Variants in EBF1 observed in about 807,000 individuals in gnomAD.
The protein encoded by EBF1 is transcription factor COE1.
Under a neutral mutation model 68.4 loss-of-function variants are expected in EBF1, and 10 were observed. The ratio of observed to expected loss-of-function variants is 0.15; its 90% CI spans 0.09 to 0.25. The LOEUF is 0.25. Ranked by LOEUF, EBF1 falls within the 10% of genes least tolerant of loss-of-function variation. EBF1 has a pLI of 1.00. For synonymous variants in EBF1, 298 were observed against 299.8 expected (o/e 0.99, Z 0.06); for missense variants, 509 against 794.4 (o/e 0.64, Z 4.32).
chr5:158,940,566 T>G (rs1813018901), intron 6 of EBF1, among the ~76,000 whole-genome samples: 1 of 152,172 alleles, frequency 6.6e-6, no homozygotes. Context: ...TGTCTGACTC[T>G]AGAGCCCAGG....
intron 6 of EBF1, among the ~76,000 whole-genome samples, chr5:159,014,844 T>A (rs1258756501): frequency 6.6e-6 from 1 of 152,190 alleles, no homozygotes; most frequent in African/African-American, 2.4e-5. Flanking sequence ...GGAATATTGC[T>A]GTAATGGCTA....
At chr5:158,777,038 G>A (rs1255048948) in intron 10 of EBF1, among the ~76,000 whole-genome samples, 7 of 152,148 alleles carry the variant, frequency 4.6e-5, no homozygotes, top group Admixed American at 1.3e-4. Flanking sequence ...CCGTGAACAG[G>A]CTAGAGGAAA....
chr5:158,803,691 T>A (rs936606482), intron 8 of EBF1, among the ~76,000 whole-genome samples: 1 of 151,794 alleles, frequency 6.6e-6, no homozygotes, highest in Non-Finnish European at 1.5e-5. Flanking sequence ...AACAAACAAA[T>A]TTGACAGTTT....
chr5:159,021,045 C>T (rs148477211), intron 6 of EBF1, among the ~76,000 whole-genome samples: 5 of 152,346 alleles, frequency 3.3e-5, no homozygotes, highest in Admixed American at 6.5e-5. Context: ...CTCTCTCTTG[C>T]ACCCCTGACA....
At chr5:158,753,161 A>C (rs1280217666) in intron 10 of EBF1, among the ~76,000 whole-genome samples, 1 of 152,082 alleles carries the variant, frequency 6.6e-6, no homozygotes, top group Non-Finnish European at 1.5e-5. Context: ...CTAACAGGAT[A>C]ATATAATTGA....
chr5:158,710,027 A>T lies in EBF1; in HGVS notation c.1550-1854T>A, dbSNP rs1182147952. Among the ~76,000 whole-genome samples the T allele has an allele frequency of 2.6e-5, 4 of 152,226 alleles. No homozygotes were observed. The East Asian group carries it at 7.7e-4, about 29-fold the overall frequency. On this transcript the variant is annotated intron_variant, in intron 14 of 15. Transcript: ENST00000313708. ...AACATTATTAGTTATCAGCCACCAC[A>T]CCAGAAAGTGTGTTCACCAGTGGAA...
rs1755875375 is a variant in EBF1 at position 158,696,975 on chromosome 5, A to G, written c.*2136T>C. ...ACTGACAGTTCTGGTGCACAGTTAC[A>G]ATGTACAAGTGAAATGAATATGATT... On this transcript the variant is annotated 3_prime_UTR_variant, in exon 16 of 16. Transcript: ENST00000313708. 5.2e-6 allele frequency: 1 copy of G among 192,304 alleles called. No individual in the cohort carries two copies. Among genetic ancestry groups the G allele is most frequent in the South Asian group, 1.9e-4 (1 of 5,130 alleles). The allele number at this position is 192,304 out of a possible 1,614,324, so 11.9% of individuals were successfully genotyped here. A position where few individuals can be genotyped will look rare whatever the true frequency, so the allele number is the denominator to read the frequency against.
At chr5:158,944,995 C>T (rs1027691082) in intron 6 of EBF1, among the ~76,000 whole-genome samples, 5 of 152,090 alleles carry the variant, frequency 3.3e-5, no homozygotes, top group African/African-American at 1.2e-4. Flanking sequence ...GGATAGATTG[C>T]AAAAATTTTC....
intron 8 of EBF1, among the ~76,000 whole-genome samples, chr5:158,810,017 C>A (rs1409733010): frequency 1.3e-5 from 2 of 152,088 alleles, no homozygotes; most frequent in African/African-American, 4.8e-5. Flanking sequence ...TTTAGCTAAC[C>A]AAATCAAGGA....
chr5:158,971,922 G>GC (rs1278613310), intron 6 of EBF1, among the ~76,000 whole-genome samples: 3 of 152,324 alleles, frequency 2.0e-5, no homozygotes, highest in East Asian at 3.9e-4. Context: ...TAGCCCTAAT[G>GC]CTAGAAAGGG....
intron 6 of EBF1, among the ~76,000 whole-genome samples, chr5:158,890,984 G>A (rs939745903): frequency 6.6e-6 from 1 of 152,146 alleles, no homozygotes. Context: ...TGACTGTTGA[G>A]CATAAGACAG....
At chr5:158,792,791 T>A (rs1235273038) in intron 9 of EBF1, among the ~76,000 whole-genome samples, 1 of 152,252 alleles carries the variant, frequency 6.6e-6, no homozygotes, top group East Asian at 1.9e-4. Context: ...CTTTACTTCA[T>A]AAAGATAAAT....
chr5:159,065,702 C>T (rs1480000604), intron 6 of EBF1, among the ~76,000 whole-genome samples: 1 of 151,604 alleles, frequency 6.6e-6, no homozygotes, highest in Admixed American at 6.6e-5. Context: ...AGAATGTCGC[C>T]AAAGCCCCAT....
chr5:159,003,803 A>G (rs552990033), intron 6 of EBF1, among the ~76,000 whole-genome samples: 1 of 152,334 alleles, frequency 6.6e-6, no homozygotes, highest in South Asian at 2.1e-4. Flanking sequence ...CTCCCGTTCT[A>G]AAGATGAGGA....
chr5:158,967,483 T>G (rs927891458), intron 6 of EBF1, among the ~76,000 whole-genome samples: 1 of 152,188 alleles, frequency 6.6e-6, no homozygotes, highest in African/African-American at 2.4e-5. Flanking sequence ...AGCCTTTCAA[T>G]GCTTTCCCTA....
intron 6 of EBF1, among the ~76,000 whole-genome samples, chr5:158,930,882 T>C (rs558566867): frequency 6.7e-6 from 1 of 148,330 alleles, no homozygotes; most frequent in Non-Finnish European, 1.5e-5. Context: ...TTTTCTCAGG[T>C]TACCCAAAAA....
At chr5:158,859,048 C>T (rs2128023718) in intron 6 of EBF1, among the ~76,000 whole-genome samples, 1 of 152,322 alleles carries the variant, frequency 6.6e-6, no homozygotes, top group East Asian at 1.9e-4. Flanking sequence ...CAGCCAACAA[C>T]ATGTTTATCT....
chr5:158,800,458 T>G (rs1780378995), intron 8 of EBF1, among the ~76,000 whole-genome samples: 2 of 152,226 alleles, frequency 1.3e-5, no homozygotes, highest in African/African-American at 4.8e-5. Flanking sequence ...TTTGTATGAT[T>G]TAAATTTTTT....
intron 10 of EBF1, among the ~76,000 whole-genome samples, chr5:158,739,474 A>G (rs555029803): frequency 2.6e-5 from 4 of 152,206 alleles, no homozygotes; most frequent in Non-Finnish European, 5.9e-5. Flanking sequence ...CCCTTGAGCA[A>G]ACAGAAGTTG....
Sources: allele counts gnomAD v4.1 joint callset (sites outside exome capture counted in the v4.1 genomes callset), GRCh38; gene constraint gnomAD v4.1.1; transcripts MANE v1.5; gene names NCBI Gene and HGNC (gene_info 2026-07-23, HGNC 2026-07-21).